SHROOM4: variants seen among roughly 807,000 people sequenced by gnomAD.
The protein encoded by SHROOM4 is protein Shroom4.
A neutral mutation model predicts 80.3 loss-of-function variants in SHROOM4; 17 were observed. That is an observed-to-expected ratio of 0.21 (90% CI 0.14 to 0.32). The LOEUF (loss-of-function observed/expected upper bound fraction) is 0.32. Among genes scored for constraint, SHROOM4 ranks in the 10% least tolerant of loss-of-function variants. The pLI, the probability that SHROOM4 is intolerant of heterozygous loss-of-function variation, is 1.00. For synonymous variants in SHROOM4, 400 were observed against 437.5 expected (o/e 0.91, Z 1.07); for missense variants, 993 against 1,140.3 (o/e 0.87, Z 1.86).
intron 5 of SHROOM4, among the ~76,000 whole-genome samples, chrX:50,620,452 C>T (rs1413547728): frequency 1.8e-5 from 2 of 111,592 alleles, no homozygotes; most frequent in African/African-American, 3.3e-5. Context: ...CTATGAACAT[C>T]TTTAAATAAT....
At chrX:50,620,561 CAT>C (rs1930530021) in intron 5 of SHROOM4, among the ~76,000 whole-genome samples, 1 of 112,076 alleles carries the variant, frequency 8.9e-6, no homozygotes, top group Admixed American at 9.4e-5. Flanking sequence ...CCCAGAAACA[CAT>C]ACTCTTGTCA....
intron 2 of SHROOM4, among the ~76,000 whole-genome samples, chrX:50,657,634 G>C (rs989148380): frequency 9.1e-6 from 1 of 110,360 alleles, no homozygotes; most frequent in East Asian, 2.8e-4. Context: ...GCGAAGGTGG[G>C]GGTAGGTGAA....
chrX:50,759,799 T>C (rs1935111997), intron 1 of SHROOM4, among the ~76,000 whole-genome samples: 1 of 112,199 alleles, frequency 8.9e-6, no homozygotes, highest in Admixed American at 9.5e-5. Context: ...ATTTCTTCAG[T>C]GATTTATTCT....
intron 1 of SHROOM4, among the ~76,000 whole-genome samples, chrX:50,720,618 C>T (rs1934084023): frequency 2.7e-5 from 3 of 111,979 alleles, no homozygotes; most frequent in Middle Eastern, 4.6e-3. Context: ...CATAGTGTGT[C>T]TGACTCTATC....
At chrX:50,774,106 G>A (rs184192109) in intron 1 of SHROOM4, among the ~76,000 whole-genome samples, 48 of 111,710 alleles carry the variant, frequency 4.3e-4, no homozygotes, top group Non-Finnish European at 8.3e-4. Context: ...AGGTCTCCAA[G>A]GTGCTAAGGC....
At chrX:50,607,293 G>T in intron 6 of SHROOM4, 88 bp downstream of exon 6, 1 of 1,051,087 alleles carries the variant, frequency 9.5e-7, no homozygotes, top group Non-Finnish European at 1.3e-6. Flanking sequence ...GCCAGCCTGA[G>T]GTCATCCAGT....
intron 1 of SHROOM4, among the ~76,000 whole-genome samples, chrX:50,778,378 C>G (rs1935555406): frequency 8.9e-6 from 1 of 112,088 alleles, no homozygotes; most frequent in Admixed American, 9.5e-5. Context: ...TGGCACCTTC[C>G]TACTCGAAGT....
chrX:50,642,029 C>A (rs1465750367), intron 2 of SHROOM4, among the ~76,000 whole-genome samples: 1 of 112,250 alleles, frequency 8.9e-6, no homozygotes, highest in African/African-American at 3.2e-5. Context: ...GAAGAAAAAT[C>A]CAAACAGAGG....
rs1936287660 is a variant in SHROOM4, at chrX:50,809,299, GCCA to G, written c.117+4600_117+4602del. ...CACCCAATAAGAATTCAAAATCACA[GCCA>G]AATTTACTTCCAGCCACAAGACAAC... is the stretch of plus-strand genomic sequence containing the variant. On this transcript the variant is annotated intron_variant, in intron 1 of 8. Coordinates refer to ENST00000376020, the MANE Select transcript of SHROOM4 (RefSeq NM_020717.5). 5.4e-5 allele frequency among the ~76,000 whole-genome samples: 6 copies of G among 111,852 alleles called. 1 individual carries two copies. In the South Asian group the frequency reaches 1.9e-3, roughly 35 times the overall value.
At chrX:50,785,529 T>C (rs1211478706) in intron 1 of SHROOM4, among the ~76,000 whole-genome samples, 2 of 111,740 alleles carry the variant, frequency 1.8e-5, no homozygotes, top group Non-Finnish European at 3.8e-5. Context: ...TGCAACAACA[T>C]AGACAGATAT....
At chrX:50,771,469 G>A (rs1422078984) in intron 1 of SHROOM4, among the ~76,000 whole-genome samples, 1 of 112,256 alleles carries the variant, frequency 8.9e-6, no homozygotes, top group Non-Finnish European at 1.9e-5. Context: ...AGAATAAACA[G>A]TAACCATCCA....
intron 1 of SHROOM4, among the ~76,000 whole-genome samples, chrX:50,734,651 G>C (rs1222673459): frequency 9.0e-6 from 1 of 111,140 alleles, no homozygotes; most frequent in Admixed American, 9.6e-5. Context: ...CTGACCTCAA[G>C]TGATCTGCCT....
At chrX:50,663,732 CT>C (rs1932594258) in intron 2 of SHROOM4, among the ~76,000 whole-genome samples, 1 of 111,140 alleles carries the variant, frequency 9.0e-6, no homozygotes, top group Non-Finnish European at 1.9e-5. Flanking sequence ...AAAGCTCCCC[CT>C]CTTGTTTGCA....
At chrX:50,680,542 A>C (rs927715193) in intron 2 of SHROOM4, among the ~76,000 whole-genome samples, 4 of 111,181 alleles carry the variant, frequency 3.6e-5, no homozygotes, top group South Asian at 3.8e-4. Flanking sequence ...GTATTTACTC[A>C]TCTATTTCAG....
intron 2 of SHROOM4, among the ~76,000 whole-genome samples, chrX:50,682,619 G>A (rs1557261918): frequency 8.9e-6 from 1 of 111,779 alleles, no homozygotes; most frequent in African/African-American, 3.3e-5. Flanking sequence ...ACAGTCTGGG[G>A]ATATCAACCC....
At chrX:50,605,444 A>T (rs1362159698) in intron 6 of SHROOM4, among the ~76,000 whole-genome samples, 2 of 112,653 alleles carry the variant, frequency 1.8e-5, no homozygotes, top group Non-Finnish European at 3.7e-5. Context: ...GTGCAAACAA[A>T]TGTTTTCCCT....
Position 50,633,471 on chromosome X carries a change from T to A in SHROOM4, c.2602A>T (p.Asn868Tyr). 8.3e-7 allele frequency: 1 copy of A among 1,211,545 alleles called. No homozygotes were observed. The highest frequency in any genetic ancestry group is 1.1e-6 in the Non-Finnish European group (1 of 895,511). Residue 868 changes from asparagine (N) to tyrosine (Y), a missense_variant, in exon 4 of 9, where the codon AAT becomes TAT. Asn to Tyr is a moderately radical substitution (Grantham distance 143, BLOSUM62 -2). Coordinates refer to ENST00000376020, the MANE Select transcript of SHROOM4 (RefSeq NM_020717.5). ...TGTAGTGGCTTACAACACATGGAATTTTCTAGACCTTTGCTTGCAAAACAT... is the reference window on the plus strand; with the variant it reads ...TGTAGTGGCTTACAACACATGGAATATTCTAGACCTTTGCTTGCAAAACAT... The part of the protein sequence containing the change: ...SECFASKGLE[N>Y]SMCCKPLHCG...
chrX:50,812,965 C>T (rs782739776), intron 1 of SHROOM4, among the ~76,000 whole-genome samples: 1 of 111,427 alleles, frequency 9.0e-6, no homozygotes, highest in East Asian at 2.9e-4. Context: ...GTGAGTCGTC[C>T]CACAAGTCAC....
At chrX:50,785,673 C>A (rs1351119973) in intron 1 of SHROOM4, among the ~76,000 whole-genome samples, 1 of 111,229 alleles carries the variant, frequency 9.0e-6, no homozygotes, top group Admixed American at 9.6e-5. Context: ...GGTTGTGGAG[C>A]TGGATTACAA....
Sources: gnomAD v4.1 joint callset for allele counts (sites outside exome capture counted in the v4.1 genomes callset) on GRCh38, gnomAD v4.1.1 for gene constraint, MANE v1.5 for transcripts, NCBI Gene and HGNC (gene_info 2026-07-23, HGNC 2026-07-21) for gene names.